The following PTPRK variants were observed in gnomAD, a reference collection of about 807,000 sequenced individuals.
The protein encoded by PTPRK is protein tyrosine phosphatase receptor type K, also known as receptor-type tyrosine-protein phosphatase kappa.
In PTPRK, 75 loss-of-function variants were observed where a neutral mutation model predicts 178.0. The observed-to-expected ratio is 0.42, with a 90% CI of 0.35 to 0.51. The LOEUF (loss-of-function observed/expected upper bound fraction) is 0.51. PTPRK is among the 20% of genes least tolerant of loss of function. The pLI is 0.02. For missense variants in PTPRK, 1,441 were observed against 1,797.8 expected (o/e 0.80, Z 3.59); for synonymous variants, 637 against 620.6 (o/e 1.03, Z -0.39).
chr6:128,265,015 A>T (rs1278665098), intron 3 of PTPRK, among the ~76,000 whole-genome samples: 3 of 152,100 alleles, frequency 2.0e-5, no homozygotes, highest in African/African-American at 7.2e-5. Context: ...CCATTAAAGC[A>T]TTTTCTTTTG....
intron 1 of PTPRK, among the ~76,000 whole-genome samples, chr6:128,472,902 T>C (rs1320129480): frequency 6.6e-6 from 1 of 152,082 alleles, no homozygotes; most frequent in Non-Finnish European, 1.5e-5. Flanking sequence ...GTGGCAGCAG[T>C]GTGAACAACA....
chr6:128,213,039 A>G (rs1808511364), intron 6 of PTPRK, among the ~76,000 whole-genome samples: 1 of 151,976 alleles, frequency 6.6e-6, no homozygotes, highest in Non-Finnish European at 1.5e-5. Flanking sequence ...TAAAAGCCAT[A>G]ATTTTTCTAC....
At chr6:128,145,254 GCA>G (rs762071475) in intron 7 of PTPRK, among the ~76,000 whole-genome samples, 1 of 151,346 alleles carries the variant, frequency 6.6e-6, no homozygotes, top group African/African-American at 2.4e-5. Flanking sequence ...CCTATCACAC[GCA>G]CACACACACA....
intron 11 of PTPRK, 137 bp from the exon 12 acceptor site, chr6:128,067,929 T>C (rs4897243): frequency 0.86 from 628,511 of 734,056 alleles, 270,511 homozygotes; most frequent in East Asian, 1. Context: ...TAACCTGGTA[T>C]ACTCTTTTCA....
At position 128,126,630 on chromosome 6, in the gene PTPRK, G is replaced by A. The variant is rs903616318; in HGVS notation, c.1163-36638C>T. On this transcript the variant is annotated intron_variant, in intron 7 of 29. Coordinates refer to ENST00000368226, the MANE Select transcript of PTPRK (RefSeq NM_002844.4). ...GCCTCCCAGGTAGCTGGAACCATAT[G>A]TGTGCAGCTCCACACTTGGATAATT... Among the ~76,000 whole-genome samples, 4 of 152,208 alleles carry A rather than the reference G, an allele frequency of 2.6e-5. No individual in the cohort carries two copies. The East Asian group carries it at 7.8e-4, about 30-fold the overall frequency.
chr6:128,267,494 C>T (rs1311147888), intron 3 of PTPRK, among the ~76,000 whole-genome samples: 1 of 152,018 alleles, frequency 6.6e-6, no homozygotes, highest in Non-Finnish European at 1.5e-5. Flanking sequence ...AGTGATTCCA[C>T]TGGGATTTTA....
chr6:128,505,626 C>T (rs904040689), intron 1 of PTPRK, among the ~76,000 whole-genome samples: 8 of 152,018 alleles, frequency 5.3e-5, no homozygotes, highest in South Asian at 2.1e-4. Flanking sequence ...AGAGCTTCTC[C>T]GGTAAGAAAG....
intron 2 of PTPRK, among the ~76,000 whole-genome samples, chr6:128,382,410 CTT>C (rs71028122): frequency 3.0e-5 from 4 of 131,852 alleles, no homozygotes; most frequent in African/African-American, 5.7e-5. Flanking sequence ...TATGAAAATT[CTT>C]TTTTTTTTTT....
intron 2 of PTPRK, among the ~76,000 whole-genome samples, chr6:128,387,996 C>A (rs1410032966): frequency 6.6e-6 from 1 of 151,092 alleles, no homozygotes; most frequent in Non-Finnish European, 1.5e-5. Context: ...AGAAAGTTTA[C>A]AAATTTGTGT....
At chr6:128,096,489 CA>C (rs948402355) in intron 7 of PTPRK, among the ~76,000 whole-genome samples, 20 of 152,216 alleles carry the variant, frequency 1.3e-4, no homozygotes, top group Non-Finnish European at 2.5e-4. Context: ...GTTGTGAAAA[CA>C]AAAGCTTTAG....
intron 6 of PTPRK, among the ~76,000 whole-genome samples, chr6:128,207,642 A>T (rs1027251334): frequency 2.0e-5 from 3 of 152,202 alleles, no homozygotes; most frequent in Admixed American, 6.6e-5. Flanking sequence ...GAAAATTATT[A>T]ATCAGAATTT....
chr6:127,973,857 C>T (rs780774701), intron 27 of PTPRK, 30 bp from the exon 28 acceptor site: 57 of 1,589,224 alleles, frequency 3.6e-5, no homozygotes, highest in South Asian at 2.0e-4. Context: ...TATGTAAATA[C>T]GCTGGGACTA....
chr6:128,121,990 ACCTG>A (rs1792545880), intron 7 of PTPRK, among the ~76,000 whole-genome samples: 1 of 152,142 alleles, frequency 6.6e-6, no homozygotes, highest in Non-Finnish European at 1.5e-5. Context: ...GGCAGTTAAC[ACCTG>A]TAAGGTAATT....
At chr6:128,422,733 TA>T (rs552332204) in intron 1 of PTPRK, among the ~76,000 whole-genome samples, 2 of 118,728 alleles carry the variant, frequency 1.7e-5, no homozygotes, top group African/African-American at 3.5e-5. Flanking sequence ...TTAGAAATAT[TA>T]AAAAAAAGAA....
intron 28 of PTPRK, 120 bp downstream of exon 28, chr6:127,973,544 C>A: frequency 8.7e-7 from 1 of 1,151,862 alleles, no homozygotes; most frequent in Non-Finnish European, 1.2e-6. Context: ...GACAGGAAGA[C>A]TGTTTAAAAA....
rs1410771305 is a variant in PTPRK at position 128,149,271 on chromosome 6, G to A, written c.1162+35161C>T. Among the ~76,000 whole-genome samples the A allele has an allele frequency of 2.6e-5, 4 of 151,796 alleles. No homozygotes were observed. In the South Asian group the frequency reaches 8.3e-4, roughly 32 times the overall value. On this transcript the variant is annotated intron_variant, in intron 7 of 29. Transcript: ENST00000368226. ...TACATATGTAACAAACCTGCACATTGTGCACATGTACCCTAGAACTTAAAG... is the reference window on the plus strand; with the variant it reads ...TACATATGTAACAAACCTGCACATTATGCACATGTACCCTAGAACTTAAAG...
At chr6:128,234,117 A>C (rs1812798340) in intron 5 of PTPRK, among the ~76,000 whole-genome samples, 5 of 152,170 alleles carry the variant, frequency 3.3e-5, no homozygotes. Context: ...CATATCCTCA[A>C]GTTATAAGGT....
chr6:128,023,718 A>G (rs1325987248), intron 13 of PTPRK, among the ~76,000 whole-genome samples: 1 of 152,146 alleles, frequency 6.6e-6, no homozygotes, highest in Non-Finnish European at 1.5e-5. Context: ...CAATGGAGCT[A>G]TCTTGGCTCA....
intron 7 of PTPRK, among the ~76,000 whole-genome samples, chr6:128,171,296 G>T (rs1337173332): frequency 1.3e-5 from 2 of 151,962 alleles, no homozygotes; most frequent in African/African-American, 4.8e-5. Flanking sequence ...TTGTCAAAAA[G>T]ATTGAACCGC....
Sources: gnomAD v4.1 joint callset for allele counts (sites outside exome capture counted in the v4.1 genomes callset) on GRCh38, gnomAD v4.1.1 for gene constraint, MANE v1.5 for transcripts, NCBI Gene and HGNC (gene_info 2026-07-23, HGNC 2026-07-21) for gene names.